Variants in TSNARE1 observed in about 807,000 individuals in gnomAD.
TSNARE1 encodes the protein t-SNARE domain-containing protein 1.
In TSNARE1, 49 loss-of-function variants were observed where a neutral mutation model predicts 62.0. That is an observed-to-expected ratio of 0.79 (90% CI 0.63 to 1.00). TSNARE1 has a LOEUF of 1.00. Among genes scored for constraint, TSNARE1 ranks in the 50% least tolerant of loss-of-function variants. The pLI, the probability that TSNARE1 is intolerant of heterozygous loss-of-function variation, is 0.00. For synonymous variants in TSNARE1, 328 were observed against 294.4 expected (o/e 1.11, Z -1.17); for missense variants, 755 against 700.1 (o/e 1.08, Z -0.88).
Position 142,344,281 on chromosome 8 carries a change from G to A in TSNARE1, c.430C>T (p.His144Tyr). The A allele has an allele frequency of 6.2e-7, 1 of 1,604,120 alleles. No individual in the cohort carries two copies. Among genetic ancestry groups the A allele is most frequent in the Non-Finnish European group, 8.5e-7 (1 of 1,172,832 alleles). Residue 144 changes from histidine (H) to tyrosine (Y), a missense_variant, in exon 4 of 14, where the codon CAC (histidine) becomes TAC (tyrosine). By Grantham distance (83) the His-to-Tyr change is moderately conservative. Transcript: ENST00000524325. ...EVLVSKVSKH[H>Y]QLLFGTGLLK... ...AGCCCCGTGCCAAACAGCAGCTGGT[G>A]GTGCTTGCTCACCTTGGACACCAGC...
intron 12 of TSNARE1, among the ~76,000 whole-genome samples, chr8:142,272,450 CTCCT>C (rs1819709907): frequency 6.8e-6 from 1 of 147,018 alleles, no homozygotes; most frequent in South Asian, 2.2e-4. Flanking sequence ...CTACACCTTC[CTCCT>C]TCCATCCACC....
chr8:142,214,728 T>C (rs1450927936), intron 13 of TSNARE1, among the ~76,000 whole-genome samples: 2 of 152,280 alleles, frequency 1.3e-5, no homozygotes, highest in Admixed American at 1.3e-4. Context: ...GGAAGTGCCG[T>C]GGTCCTGAGG....
chr8:142,252,922 C>T (rs1818244906), intron 12 of TSNARE1, among the ~76,000 whole-genome samples: 1 of 152,216 alleles, frequency 6.6e-6, no homozygotes, highest in Non-Finnish European at 1.5e-5. Context: ...TTGGCTGAGT[C>T]AAAGCACAGA....
intron 11 of TSNARE1, chr8:142,278,865 C>A (rs141547595): frequency 1.1e-6 from 1 of 930,824 alleles, no homozygotes; most frequent in African/African-American, 1.8e-5. Context: ...TGAGGCACAG[C>A]GTGGGGCGGG....
At chr8:142,402,739 G>A (rs1421684229) in intron 1 of TSNARE1, 3 of 152,454 alleles carry the variant, frequency 2.0e-5, no homozygotes, top group Non-Finnish European at 1.5e-5. Flanking sequence ...CCCCGGGACG[G>A]CACTGACCTC....
At chr8:142,401,054 T>C (rs941340536) in intron 1 of TSNARE1, among the ~76,000 whole-genome samples, 2 of 152,272 alleles carry the variant, frequency 1.3e-5, no homozygotes, top group South Asian at 2.1e-4. Flanking sequence ...GGTACAGCCA[T>C]GGTCGAGGCA....
intron 2 of TSNARE1, among the ~76,000 whole-genome samples, chr8:142,348,159 C>T (rs1833623415): frequency 2.6e-5 from 4 of 152,176 alleles, no homozygotes; most frequent in Admixed American, 1.3e-4. Flanking sequence ...AACATTAACC[C>T]TGGAGGTGGG....
chr8:142,275,306 C>T (rs1389537233), intron 11 of TSNARE1: 1 of 985,450 alleles, frequency 1.0e-6, no homozygotes, highest in Non-Finnish European at 1.2e-6. Context: ...ACCGGGTCTG[C>T]AAGCACAGGG....
At chr8:142,380,184 C>T (rs965652219) in intron 1 of TSNARE1, among the ~76,000 whole-genome samples, 1 of 152,260 alleles carries the variant, frequency 6.6e-6, no homozygotes, top group Non-Finnish European at 1.5e-5. Context: ...CTCCCAACAA[C>T]TCCACAGGAC....
intron 6 of TSNARE1, among the ~76,000 whole-genome samples, chr8:142,323,822 T>TC (rs1291734980): frequency 2.0e-5 from 3 of 152,112 alleles, no homozygotes; most frequent in Non-Finnish European, 2.9e-5. Context: ...GTGTCTCACT[T>TC]CCCCATCCAT....
chr8:142,281,207 G>A (rs549227303), intron 11 of TSNARE1, among the ~76,000 whole-genome samples: 18 of 143,624 alleles, frequency 1.3e-4, no homozygotes, highest in South Asian at 6.7e-4. Context: ...GCAGCTGAGC[G>A]CTTTAACCAA....
At chr8:142,357,291 G>C (rs1273804546) in intron 1 of TSNARE1, among the ~76,000 whole-genome samples, 1 of 152,254 alleles carries the variant, frequency 6.6e-6, no homozygotes, top group Non-Finnish European at 1.5e-5. Flanking sequence ...CAGGCTTTCA[G>C]AGAACTCGGG....
At chr8:142,278,648 C>A in intron 11 of TSNARE1, 1 of 985,450 alleles carries the variant, frequency 1.0e-6, no homozygotes, top group Non-Finnish European at 1.2e-6. Context: ...ACCCTTGGAG[C>A]CAGTGGCAGC....
rs148208760 is a variant in TSNARE1 at position 142,315,056 on chromosome 8, G to A, written c.1021C>T (p.Arg341Trp). The A allele has an allele frequency of 1.2e-4, 195 of 1,614,072 alleles. 2 individuals carry two copies. In the Middle Eastern group the frequency reaches 4.3e-3, roughly 36 times the overall value. ...GCATCTGAGAGCTGGGTTTTCAGCC[G>A]GTCCAGCTGAGGACGCTCCTGCTGC... ...RLQQERPQLDRLKTQLSDAIQ... is the reference protein window; with the variant it reads ...RLQQERPQLDWLKTQLSDAIQ... Residue 341 changes from arginine (R) to tryptophan (W), a missense_variant, in exon 8 of 14, where the codon CGG (arginine) becomes TGG (tryptophan). Transcript: ENST00000524325.
At chr8:142,374,461 G>A (rs1164577446) in intron 1 of TSNARE1, among the ~76,000 whole-genome samples, 3 of 151,714 alleles carry the variant, frequency 2.0e-5, no homozygotes, top group South Asian at 2.1e-4. Context: ...GGCGGATCAC[G>A]AGGTCAGGAG....
At chr8:142,384,449 C>A (rs1836975332) in intron 1 of TSNARE1, among the ~76,000 whole-genome samples, 1 of 152,158 alleles carries the variant, frequency 6.6e-6, no homozygotes, top group African/African-American at 2.4e-5. Context: ...CTACAGTAAT[C>A]AAAACAGTAT....
At chr8:142,313,355 T>C (rs1827935974) in intron 9 of TSNARE1, among the ~76,000 whole-genome samples, 1 of 152,162 alleles carries the variant, frequency 6.6e-6, no homozygotes, top group Non-Finnish European at 1.5e-5. Flanking sequence ...TGTCTCTACA[T>C]GTCTCTTTAT....
chr8:142,217,407 G>A (rs7835585), intron 13 of TSNARE1, among the ~76,000 whole-genome samples: 1 of 150,122 alleles, frequency 6.7e-6, no homozygotes, highest in Non-Finnish European at 1.5e-5. Context: ...AGCAAGCAAC[G>A]GCGTAAGGAA....
chr8:142,321,190 A>C (rs1450901119), intron 6 of TSNARE1, among the ~76,000 whole-genome samples: 1 of 152,194 alleles, frequency 6.6e-6, no homozygotes, highest in Non-Finnish European at 1.5e-5. Context: ...ATGGCACTAC[A>C]GAGGGGCCAC....
Sources: allele counts gnomAD v4.1 joint callset (sites outside exome capture counted in the v4.1 genomes callset), GRCh38; gene constraint gnomAD v4.1.1; transcripts MANE v1.5; gene names NCBI Gene and HGNC (gene_info 2026-07-23, HGNC 2026-07-21).